DOK5: variants seen among roughly 807,000 people sequenced by gnomAD.
The protein encoded by DOK5 is docking protein 5.
Under a neutral mutation model 43.3 loss-of-function variants are expected in DOK5, and 27 were observed. The observed-to-expected ratio is 0.62, with a 90% CI of 0.46 to 0.86. The LOEUF (loss-of-function observed/expected upper bound fraction) is 0.86. Among genes scored for constraint, DOK5 ranks in the 40% least tolerant of loss-of-function variants. The pLI, the probability that DOK5 is intolerant of heterozygous loss-of-function variation, is 0.00. For missense variants in DOK5, 373 were observed against 392.9 expected, an observed-to-expected ratio of 0.95 and a Z score of 0.43; for synonymous variants, 146 against 140.1, an observed-to-expected ratio of 1.04 and a Z score of -0.30.
intron 2 of DOK5, among the ~76,000 whole-genome samples, chr20:54,571,600 A>G (rs1044341630): frequency 3.3e-5 from 5 of 152,098 alleles, no homozygotes; most frequent in Middle Eastern, 3.4e-3. Context: ...ACAGCCAAAA[A>G]TATCTTCAGA....
At chr20:54,642,549 C>CAAAAA (rs66463305) in intron 6 of DOK5, among the ~76,000 whole-genome samples, 12 of 96,362 alleles carry the variant, frequency 1.2e-4, no homozygotes, top group African/African-American at 2.2e-4. Context: ...ACTAAAAATA[C>CAAAAA]AAAAAAAAAA....
chr20:54,515,146 G>A (rs1263985960), intron 1 of DOK5, among the ~76,000 whole-genome samples: 2 of 151,890 alleles, frequency 1.3e-5, no homozygotes, highest in African/African-American at 2.4e-5. Flanking sequence ...GAGTAGCTGG[G>A]ATTACAGGCG....
At chr20:54,649,796 C>G (rs1979613417) in intron 7 of DOK5, among the ~76,000 whole-genome samples, 1 of 152,196 alleles carries the variant, frequency 6.6e-6, no homozygotes, top group Admixed American at 6.5e-5. Context: ...TTTTGTGCTA[C>G]AGGCAGCAGG....
intron 2 of DOK5, among the ~76,000 whole-genome samples, chr20:54,572,362 C>T (rs1325500483): frequency 3.9e-5 from 6 of 152,014 alleles, no homozygotes. Context: ...CAGGGTTTCA[C>T]CATGTTAGCC....
intron 1 of DOK5, among the ~76,000 whole-genome samples, chr20:54,530,871 C>T (rs1036223716): frequency 1.3e-5 from 2 of 152,140 alleles, no homozygotes; most frequent in Non-Finnish European, 2.9e-5. Flanking sequence ...ATATGACCCA[C>T]ATAAGAATAT....
At chr20:54,628,408 C>CAAAAAAAAAAAA (rs56730310) in intron 6 of DOK5, among the ~76,000 whole-genome samples, 1 of 23,452 alleles carries the variant, frequency 4.3e-5, no homozygotes, top group African/African-American at 1.3e-4. Context: ...GACTCCGTCT[C>CAAAAAAAAAAAA]AAAAAAAAAA....
intron 4 of DOK5, among the ~76,000 whole-genome samples, chr20:54,590,134 C>T (rs534191538): frequency 6.6e-6 from 1 of 152,264 alleles, no homozygotes; most frequent in South Asian, 2.1e-4. Context: ...CCTGACAGCA[C>T]CACAATCTGA....
At chr20:54,492,724 T>G (rs1268401416) in intron 1 of DOK5, among the ~76,000 whole-genome samples, 9 of 128,874 alleles carry the variant, frequency 7.0e-5, no homozygotes, top group Admixed American at 2.2e-4. Flanking sequence ...GTGTGTGTGT[T>G]TTAGGATCAG....
At chr20:54,562,644 G>A (rs6014058) in intron 2 of DOK5, among the ~76,000 whole-genome samples, 18,883 of 151,850 alleles carry the variant, frequency 0.12, 1,146 homozygotes, top group Admixed American at 0.16. Flanking sequence ...TCTCGAACTC[G>A]TGGGCTCAAG....
intron 6 of DOK5, among the ~76,000 whole-genome samples, chr20:54,623,501 A>G (rs1600745460): frequency 1.3e-5 from 2 of 152,198 alleles, no homozygotes; most frequent in East Asian, 3.8e-4. Context: ...CACATGAGCT[A>G]GTGCATGTAA....
chr20:54,625,370 G>A (rs1273055895), intron 6 of DOK5, among the ~76,000 whole-genome samples: 2 of 152,186 alleles, frequency 1.3e-5, no homozygotes, highest in South Asian at 2.1e-4. Context: ...TGGGGGCAGC[G>A]TCATCTCCTT....
At chr20:54,650,343 G>C in intron 7 of DOK5, 72 bp from the exon 8 acceptor site, 2 of 1,476,288 alleles carry the variant, frequency 1.4e-6, no homozygotes, top group Non-Finnish European at 1.9e-6. Context: ...TATAGAGAAA[G>C]TTGTTGCCAC....
chr20:54,480,663 C>T (rs1436506862), intron 1 of DOK5, among the ~76,000 whole-genome samples: 2 of 152,164 alleles, frequency 1.3e-5, no homozygotes, highest in Non-Finnish European at 2.9e-5. Flanking sequence ...TCCAAGAACC[C>T]TCTCTTGGGG....
intron 6 of DOK5, among the ~76,000 whole-genome samples, chr20:54,641,562 TCATCATCATCATCATCATCTC>T (rs1415063382): frequency 1.5e-4 from 18 of 120,432 alleles, no homozygotes; most frequent in South Asian, 3.7e-4. Flanking sequence ...ATCATCATCA[TCATCATCATCATCATCATCTC>T]CATCTCCATT....
chr20:54,543,708 T>C (rs1441175848), intron 1 of DOK5, among the ~76,000 whole-genome samples: 1 of 152,098 alleles, frequency 6.6e-6, no homozygotes, highest in Non-Finnish European at 1.5e-5. Flanking sequence ...TATATGTATA[T>C]AAACTAGAAG....
At chr20:54,515,739 C>T (rs937922423) in intron 1 of DOK5, among the ~76,000 whole-genome samples, 11 of 152,030 alleles carry the variant, frequency 7.2e-5, no homozygotes, top group African/African-American at 1.2e-4. Flanking sequence ...TATTGGTTAC[C>T]AATGAAAAGT....
intron 2 of DOK5, among the ~76,000 whole-genome samples, chr20:54,571,329 CTCATGGTTAAAGG>C (rs11273323): frequency 0.049 from 7,459 of 152,254 alleles, 606 homozygotes; most frequent in African/African-American, 0.17. Flanking sequence ...TCCCATCCTT[CTCATGGTTAAAGG>C]TCAACATGTG....
At chr20:54,629,466 C>G (rs1342093692) in intron 6 of DOK5, among the ~76,000 whole-genome samples, 1 of 152,192 alleles carries the variant, frequency 6.6e-6, no homozygotes, top group African/African-American at 2.4e-5. Context: ...CCCAGACACC[C>G]AGTTTACATT....
At chr20:54,608,934 C>G (rs1232696678) in intron 5 of DOK5, among the ~76,000 whole-genome samples, 2 of 152,148 alleles carry the variant, frequency 1.3e-5, no homozygotes, top group Non-Finnish European at 2.9e-5. Flanking sequence ...CTTGGCCTCC[C>G]AAAGTGCTGG....
Sources: allele counts gnomAD v4.1 joint callset (sites outside exome capture counted in the v4.1 genomes callset), GRCh38; gene constraint gnomAD v4.1.1; transcripts MANE v1.5; gene names NCBI Gene and HGNC (gene_info 2026-07-23, HGNC 2026-07-21).